The following ALG5 variants were observed in gnomAD, a reference collection of about 807,000 sequenced individuals.
The protein encoded by ALG5 is dolichyl-phosphate beta-glucosyltransferase.
ALG5 carries 26 observed loss-of-function variants against 51.8 expected under a neutral mutation model. The observed-to-expected ratio is 0.50, with a 90% CI of 0.37 to 0.70. The LOEUF (loss-of-function observed/expected upper bound fraction) is 0.70. ALG5 is among the 30% of genes least tolerant of loss of function. The probability of loss-of-function intolerance (pLI) is 0.00; values close to 1 mark genes in which losing one functional copy is unlikely to be tolerated. For missense variants in ALG5, 311 were observed against 399.3 expected, an observed-to-expected ratio of 0.78 and a Z score of 1.88; for synonymous variants, 141 against 136.1, an observed-to-expected ratio of 1.04 and a Z score of -0.25.
chr13:36,994,988 C>T lies in ALG5; in HGVS notation c.285+1G>A. ...TCATATTAAAAGAGAAAACATGATA[C>T]CTGTCTCTTCTCTAGATAGCTCAGA... On this transcript the variant is annotated splice_donor_variant, in intron 3 of 9. Coordinates refer to ENST00000239891, the MANE Select transcript of ALG5 (RefSeq NM_013338.5). LOFTEE classifies it high-confidence loss of function. 6.2e-7 allele frequency: 1 copy of T among 1,611,732 alleles called. No homozygotes were observed. The highest frequency in any genetic ancestry group is 8.5e-7 in the Non-Finnish European group (1 of 1,178,544).
chr13:36,997,393 AG>A (rs1335976336), intron 1 of ALG5, among the ~76,000 whole-genome samples: 1 of 136,532 alleles, frequency 7.3e-6, no homozygotes, highest in Non-Finnish European at 1.5e-5. Context: ...GAATTGCTTG[AG>A]GGCAGAGGTT....
intron 6 of ALG5, among the ~76,000 whole-genome samples, chr13:36,984,426 T>G (rs1307285857): frequency 6.6e-6 from 1 of 152,180 alleles, no homozygotes; most frequent in Non-Finnish European, 1.5e-5. Context: ...ATTTTGTTGT[T>G]TTGTCATCTT....
intron 8 of ALG5, among the ~76,000 whole-genome samples, chr13:36,962,398 C>T (rs2058871628): frequency 6.6e-6 from 1 of 152,122 alleles, no homozygotes; most frequent in Admixed American, 6.5e-5. Context: ...CTTGGTGGTT[C>T]TCCTTTAGAG....
intron 6 of ALG5, among the ~76,000 whole-genome samples, chr13:36,976,474 A>T (rs1158815561): frequency 6.7e-6 from 1 of 149,076 alleles, no homozygotes; most frequent in Non-Finnish European, 1.5e-5. Context: ...TTAGCTGGGC[A>T]CGGTGGTTCA....
In ALG5 at chr13:36,999,260, G is replaced by T. The variant is rs1482984594; in HGVS notation, c.41C>A (p.Ala14Glu). ...LLLQLAVLGA[A>E]LAAAALVLIS... ...CAGTACGAGGGCTGCGGCCGCCAGCGCCGCGCCGAGCACCGCCAGCTGCAA... is the reference window on the plus strand; with the variant it reads ...CAGTACGAGGGCTGCGGCCGCCAGCTCCGCGCCGAGCACCGCCAGCTGCAA... The change falls in exon 1 of 10, where the codon GCG (alanine) becomes GAG (glutamate). Residue 14 changes from alanine (A) to glutamate (E), a missense_variant. Physicochemically the swap from Ala to Glu is moderately radical, Grantham distance 107. Coordinates refer to ENST00000239891, the MANE Select transcript of ALG5 (RefSeq NM_013338.5). 6.3e-7 allele frequency: 1 copy of T among 1,580,666 alleles called. No individual in the cohort carries two copies. Among genetic ancestry groups the T allele is most frequent in the Non-Finnish European group, 8.6e-7 (1 of 1,166,346 alleles).
At position 36,972,086 on chromosome 13, in the gene ALG5, A is replaced by C. The variant is rs376649710; in HGVS notation, c.562-50T>G. 2.5e-3 allele frequency: 3,274 copies of C among 1,317,494 alleles called. 7 individuals carry two copies. The highest frequency in any genetic ancestry group is 3.2e-3 in the Non-Finnish European group (3,024 of 944,122). The allele number at this position is 1,317,494 out of a possible 1,614,324, so 81.6% of individuals were successfully genotyped here. On this transcript the variant is annotated intron_variant, in intron 6 of 9. Coordinates refer to ENST00000239891, the MANE Select transcript of ALG5 (RefSeq NM_013338.5). ...TTTCAATATTTAAATATCACTAATA[A>C]AAATATTTATTTTCAATGAGAATAT...
intron 6 of ALG5, among the ~76,000 whole-genome samples, chr13:36,981,887 G>T (rs1302952675): frequency 1.3e-5 from 2 of 152,144 alleles, no homozygotes; most frequent in Admixed American, 1.3e-4. Flanking sequence ...AGGAGATAGA[G>T]ACCATCCTGG....
intron 8 of ALG5, among the ~76,000 whole-genome samples, chr13:36,957,841 C>G (rs2058847359): frequency 6.6e-6 from 1 of 152,244 alleles, no homozygotes; most frequent in East Asian, 1.9e-4. Context: ...GGGAAAGGAA[C>G]TATTCCACCC....
chr13:36,973,875 T>A (rs1398464202), intron 6 of ALG5, among the ~76,000 whole-genome samples: 1 of 152,164 alleles, frequency 6.6e-6, no homozygotes, highest in African/African-American at 2.4e-5. Context: ...ATAAAACCTA[T>A]AATTTTTTAC....
rs780949104 is a variant in ALG5, at chr13:36,965,606, G to A, written c.742C>T (p.Arg248Trp). The change falls in exon 8 of 10, where the codon CGG (arginine) becomes TGG (tryptophan). Residue 248 changes from arginine (R) to tryptophan (W), a missense_variant. Coordinates refer to ENST00000239891, the MANE Select transcript of ALG5 (RefSeq NM_013338.5). ...TCAACGTGTAGAGATGAAAACGTCC[G>A]TGAAGCTGCTTCTCGAGTAAATAAT... ...FKLFTREAAS[R>W]TFSSLHVERW... 22 of 1,613,840 alleles carry A rather than the reference G, an allele frequency of 1.4e-5. No individual in the cohort carries two copies. Among genetic ancestry groups the A allele is most frequent in the Non-Finnish European group, 1.7e-5 (20 of 1,179,934 alleles).
chr13:36,986,977 G>A (rs2059004717), intron 5 of ALG5, among the ~76,000 whole-genome samples: 1 of 152,120 alleles, frequency 6.6e-6, no homozygotes, highest in South Asian at 2.1e-4. Flanking sequence ...CCTTGAAAAG[G>A]CAGTCTACCA....
intron 6 of ALG5, among the ~76,000 whole-genome samples, chr13:36,981,500 G>C (rs1309076968): frequency 6.6e-6 from 1 of 152,168 alleles, no homozygotes; most frequent in East Asian, 1.9e-4. Flanking sequence ...AATGAATTGA[G>C]AAAACAGCTA....
chr13:36,961,014 A>G (rs1233056539), intron 8 of ALG5, among the ~76,000 whole-genome samples: 1 of 152,148 alleles, frequency 6.6e-6, no homozygotes, highest in Non-Finnish European at 1.5e-5. Flanking sequence ...AGCTATATAC[A>G]TAGTTGGTTC....
intron 7 of ALG5, among the ~76,000 whole-genome samples, chr13:36,967,009 G>A (rs1266272884): frequency 1.3e-5 from 2 of 151,946 alleles, no homozygotes; most frequent in Non-Finnish European, 2.9e-5. Context: ...GATTGCTTGA[G>A]GTCAGGGGTT....
At chr13:36,989,714 C>A in intron 4 of ALG5, 138 bp from the exon 5 acceptor site, 1 of 619,168 alleles carries the variant, frequency 1.6e-6, no homozygotes, top group South Asian at 2.3e-5. Context: ...ACTGTACATT[C>A]TGATGACCTG....
At chr13:36,962,122 T>C (rs1408841137) in intron 8 of ALG5, among the ~76,000 whole-genome samples, 2 of 152,186 alleles carry the variant, frequency 1.3e-5, no homozygotes, top group African/African-American at 4.8e-5. Context: ...TATACTCCTT[T>C]ACAGATTTCT....
intron 8 of ALG5, among the ~76,000 whole-genome samples, chr13:36,954,403 C>A (rs1031541067): frequency 6.6e-6 from 1 of 152,094 alleles, no homozygotes; most frequent in Non-Finnish European, 1.5e-5. Context: ...TTATGTATCC[C>A]AGGTCTTGAA....
At chr13:36,980,562 A>T (rs749843734) in intron 6 of ALG5, among the ~76,000 whole-genome samples, 4 of 152,176 alleles carry the variant, frequency 2.6e-5, no homozygotes, top group Non-Finnish European at 4.4e-5. Flanking sequence ...ACTAAAAAAC[A>T]AGCATATTTT....
At chr13:36,974,210 T>A (rs2058939298) in intron 6 of ALG5, among the ~76,000 whole-genome samples, 1 of 152,130 alleles carries the variant, frequency 6.6e-6, no homozygotes, top group African/African-American at 2.4e-5. Flanking sequence ...AAAGAATACA[T>A]ACACAGTATG....
Sources: gnomAD v4.1 joint callset for allele counts (sites outside exome capture counted in the v4.1 genomes callset) on GRCh38, gnomAD v4.1.1 for gene constraint, MANE v1.5 for transcripts, NCBI Gene and HGNC (gene_info 2026-07-23, HGNC 2026-07-21) for gene names.